Variants in CD109 observed in about 807,000 individuals in gnomAD.
CD109 encodes the protein CD109 antigen.
CD109 carries 149 observed loss-of-function variants against 165.8 expected under a neutral mutation model. The observed-to-expected ratio is 0.90, with a 90% CI of 0.79 to 1.03. The LOEUF is 1.03. CD109 is among the 50% of genes least tolerant of loss of function. CD109 has a pLI of 0.00. For synonymous variants in CD109, 585 were observed against 592.1 expected (o/e 0.99, Z 0.18); for missense variants, 1,712 against 1,677.8 (o/e 1.02, Z -0.36).
intron 5 of CD109, among the ~76,000 whole-genome samples, chr6:73,738,798 G>A (rs189968429): frequency 4.5e-4 from 69 of 152,236 alleles, no homozygotes; most frequent in Non-Finnish European, 7.9e-4. Context: ...TAAACTCACC[G>A]ATCTGTCTCA....
chr6:73,764,792 G>A (rs1773770883), intron 10 of CD109, among the ~76,000 whole-genome samples: 1 of 150,358 alleles, frequency 6.7e-6, no homozygotes, highest in Non-Finnish European at 1.5e-5. Context: ...CTCCAGCCTG[G>A]GCAACAAAAG....
chr6:73,774,405 C>A (rs1200868575), intron 15 of CD109, among the ~76,000 whole-genome samples: 2 of 152,104 alleles, frequency 1.3e-5, no homozygotes, highest in Admixed American at 1.3e-4. Flanking sequence ...TGCCTCTATT[C>A]AGTGTTTCAC....
At chr6:73,750,362 G>T (rs1773143550) in intron 5 of CD109, among the ~76,000 whole-genome samples, 1 of 152,168 alleles carries the variant, frequency 6.6e-6, no homozygotes, top group Admixed American at 6.6e-5. Context: ...AATAGAGAAA[G>T]AACAGCCAGT....
At chr6:73,772,878 T>C (rs1774094828) in intron 15 of CD109, among the ~76,000 whole-genome samples, 2 of 151,994 alleles carry the variant, frequency 1.3e-5, no homozygotes, top group Middle Eastern at 6.8e-3. Flanking sequence ...TACACAACTA[T>C]TTTTTTCAAT....
chr6:73,685,566 A>T, the CD109 span, among the ~76,000 whole-genome samples: 1 of 152,074 alleles, frequency 6.6e-6, no homozygotes, highest in Non-Finnish European at 1.5e-5. Context: ...AAAAAATTTT[A>T]TTTCAATAGT....
chr6:73,801,340 G>A (rs1446809946), intron 23 of CD109, among the ~76,000 whole-genome samples: 1 of 152,254 alleles, frequency 6.6e-6, no homozygotes, highest in Non-Finnish European at 1.5e-5. Flanking sequence ...ATCCTGCAAA[G>A]GACTTTGAAC....
chr6:73,736,988 C>T (rs186410050), intron 5 of CD109, among the ~76,000 whole-genome samples: 1 of 152,284 alleles, frequency 6.6e-6, no homozygotes, highest in African/African-American at 2.4e-5. Flanking sequence ...CCTTTACTTG[C>T]TGCCAACTTG....
In CD109 at chr6:73,783,801, G is replaced by C. The variant is rs1562066028; in HGVS notation, c.2200G>C (p.Gly734Arg). Reference sequence around the variant, plus strand: ...TGTGATCTCTGAGGACCTGGGTCTTGGACTAACAACTACTCCAGTGGAGGT... The same window carrying C: ...TGTGATCTCTGAGGACCTGGGTCTTCGACTAACAACTACTCCAGTGGAGGT... The part of the protein sequence containing the change: ...GFVISEDLGL[G>R]LTTTPVELQA... The change falls in exon 19 of 33, where the codon GGA (glycine) becomes CGA (arginine). Residue 734 changes from glycine to arginine, a missense_variant. Coordinates refer to ENST00000287097, the MANE Select transcript of CD109 (RefSeq NM_133493.5). 1 of 1,604,478 alleles carries C rather than the reference G, an allele frequency of 6.2e-7. No homozygotes were observed. Among genetic ancestry groups the C allele is most frequent in the African/African-American group, 1.3e-5 (1 of 74,810 alleles).
chr6:73,798,780 T>A (rs1201996532), intron 23 of CD109, among the ~76,000 whole-genome samples: 1 of 152,138 alleles, frequency 6.6e-6, no homozygotes, highest in East Asian at 1.9e-4. Context: ...CCATAAGCAC[T>A]GATCTCATCT....
intron 9 of CD109, among the ~76,000 whole-genome samples, chr6:73,763,108 AT>A (rs1040859042): frequency 2.6e-5 from 4 of 151,788 alleles, no homozygotes; most frequent in Admixed American, 6.6e-5. Flanking sequence ...GCTCTTCTTA[AT>A]TTTTTTTTCC....
chr6:73,723,392 G>A, intron 3 of CD109, 113 bp downstream of exon 3: 1 of 869,410 alleles, frequency 1.2e-6, no homozygotes, highest in South Asian at 1.5e-5. Flanking sequence ...TTTCATGTAA[G>A]TTTGGCTTGA....
In CD109 at chr6:73,825,354, G is replaced by C. The variant is rs949373801; in HGVS notation, c.*1721G>C. The stretch of plus-strand genomic sequence containing the variant: ...ACAATCTGTTCTAAAACAGGCACTT[G>C]TAATGTTGGGGCCTCCTTGTAAACG... On this transcript the variant is annotated 3_prime_UTR_variant, in exon 33 of 33. Transcript: ENST00000287097. 3 of 152,240 alleles carry C rather than the reference G, an allele frequency of 2.0e-5. No homozygotes were observed. The highest frequency in any genetic ancestry group is 4.8e-5 in the African/African-American group (2 of 41,530). The allele number at this position is 152,240 out of a possible 1,614,324, so 9.4% of individuals were successfully genotyped here.
chr6:73,706,730 C>A (rs368532280), intron 2 of CD109, among the ~76,000 whole-genome samples: 3 of 151,918 alleles, frequency 2.0e-5, no homozygotes, highest in African/African-American at 4.8e-5. Context: ...TCTGAAGAAA[C>A]GATTCATAAA....
intron 2 of CD109, among the ~76,000 whole-genome samples, chr6:73,713,452 G>A (rs1392220000): frequency 2.6e-5 from 4 of 151,782 alleles, no homozygotes; most frequent in Non-Finnish European, 4.4e-5. Context: ...GGGGTCACAC[G>A]ATGTTGCCCA....
chr6:73,746,543 A>AT (rs1001353020), intron 5 of CD109, among the ~76,000 whole-genome samples: 6 of 151,546 alleles, frequency 4.0e-5, no homozygotes, highest in East Asian at 1.9e-4. Context: ...TAAATGGGTG[A>AT]TTTTTGTTTA....
intron 5 of CD109, among the ~76,000 whole-genome samples, chr6:73,737,024 G>A (rs1772572142): frequency 6.6e-6 from 1 of 152,076 alleles, no homozygotes; most frequent in Non-Finnish European, 1.5e-5. Context: ...TAAATGGAGG[G>A]CATTAAATGG....
intron 20 of CD109, among the ~76,000 whole-genome samples, chr6:73,786,437 A>G (rs1449198143): frequency 6.6e-6 from 1 of 152,020 alleles, no homozygotes; most frequent in Non-Finnish European, 1.5e-5. Flanking sequence ...TTTGGCTGAC[A>G]AAGTGGGAAG....
chr6:73,696,143 G>A, upstream of CD109: 8 of 1,421,468 alleles, frequency 5.6e-6, no homozygotes, highest in Non-Finnish European at 7.7e-6. Flanking sequence ...CAGGGAGGAG[G>A]TGGCAAGCCA....
intron 2 of CD109, 81 bp from the exon 3 acceptor site, chr6:73,723,170 T>A (rs762807775): frequency 4.4e-6 from 7 of 1,602,960 alleles, no homozygotes; most frequent in Middle Eastern, 1.7e-4. Flanking sequence ...GTAAGAGTAT[T>A]GGGAGAGTTT....
Sources: allele counts gnomAD v4.1 joint callset (sites outside exome capture counted in the v4.1 genomes callset), GRCh38; gene constraint gnomAD v4.1.1; transcripts MANE v1.5; gene names NCBI Gene and HGNC (gene_info 2026-07-23, HGNC 2026-07-21).